The following PPM1E variants were observed in gnomAD, a reference collection of about 807,000 sequenced individuals.
PPM1E encodes protein phosphatase 1E.
In PPM1E, 20 loss-of-function variants were observed where a neutral mutation model predicts 65.9. That is an observed-to-expected ratio of 0.30 (90% confidence interval 0.21 to 0.44). The LOEUF (loss-of-function observed/expected upper bound fraction) is 0.44, where lower values mean the gene tolerates loss of function less well. PPM1E is among the 20% of genes least tolerant of loss of function. The pLI, the probability that PPM1E is intolerant of heterozygous loss-of-function variation, is 1.00. For synonymous variants in PPM1E, 352 were observed against 374.9 expected (o/e 0.94, Z 0.70); for missense variants, 713 against 953.1 (o/e 0.75, Z 3.32).
rs1215041478 is a variant in PPM1E, at chr17:58,787,805, G to A, written c.464+31344G>A. On this transcript the variant is annotated intron_variant, in intron 1 of 6. Transcript: ENST00000308249. Reference sequence around the variant, plus strand: ...GCCTGTAGTCCCAGCTACTCGGGAGGCTGAGGCAGGAGAATGGTGTGAACC... The same window carrying A: ...GCCTGTAGTCCCAGCTACTCGGGAGACTGAGGCAGGAGAATGGTGTGAACC... Among the ~76,000 whole-genome samples, 3 of 151,474 alleles carry A rather than the reference G, an allele frequency of 2.0e-5. No homozygotes were observed. In the East Asian group the frequency reaches 5.9e-4, roughly 30 times the overall value.
chr17:58,911,498 A>G (rs2051626930), intron 1 of PPM1E, among the ~76,000 whole-genome samples: 1 of 152,126 alleles, frequency 6.6e-6, no homozygotes, highest in African/African-American at 2.4e-5. Flanking sequence ...TCATGATTTC[A>G]TCATGATTTC....
At chr17:58,834,103 A>C (rs969111172) in intron 1 of PPM1E, among the ~76,000 whole-genome samples, 7 of 151,906 alleles carry the variant, frequency 4.6e-5, no homozygotes, top group Admixed American at 3.3e-4. Context: ...TCTTGTAGAG[A>C]TATTTCCCCT....
intron 1 of PPM1E, among the ~76,000 whole-genome samples, chr17:58,768,706 G>C (rs2049906925): frequency 6.6e-6 from 1 of 152,010 alleles, no homozygotes; most frequent in Admixed American, 6.6e-5. Flanking sequence ...TTTCACTCTT[G>C]TTGCCCAGGC....
At chr17:58,900,365 C>T (rs1262729978) in intron 1 of PPM1E, among the ~76,000 whole-genome samples, 1 of 152,226 alleles carries the variant, frequency 6.6e-6, no homozygotes, top group African/African-American at 2.4e-5. Context: ...CCTTCAGCAA[C>T]CACCACCTTG....
chr17:58,831,928 C>A (rs574031895), intron 1 of PPM1E, among the ~76,000 whole-genome samples: 1 of 152,272 alleles, frequency 6.6e-6, no homozygotes, highest in African/African-American at 2.4e-5. Context: ...GAAAGTCCAA[C>A]ATTATTGCCA....
In PPM1E at chr17:58,765,267, T is replaced by C. The variant is rs1240801461; in HGVS notation, c.464+8806T>C. On this transcript the variant is annotated intron_variant, in intron 1 of 6. Transcript: ENST00000308249. ...ATCTCGGCTCACTGCAACTTCCAAC[T>C]TCCTGGTTCAAGTGATTCTTTTGCC... Among the ~76,000 whole-genome samples the C allele has an allele frequency of 2.4e-4, 36 of 151,488 alleles. 1 individual carries two copies.
intron 1 of PPM1E, among the ~76,000 whole-genome samples, chr17:58,879,275 CT>C (rs755522265): frequency 1.3e-5 from 2 of 149,204 alleles, no homozygotes; most frequent in Admixed American, 6.7e-5. Flanking sequence ...TCTCCACATA[CT>C]ATATATAATA....
intron 1 of PPM1E, among the ~76,000 whole-genome samples, chr17:58,763,746 T>C (rs1703691825): frequency 6.6e-6 from 1 of 152,186 alleles, no homozygotes; most frequent in Non-Finnish European, 1.5e-5. Context: ...TGAACTGCCA[T>C]ACCGTGAAGC....
intron 2 of PPM1E, among the ~76,000 whole-genome samples, chr17:58,963,094 G>GA (rs539705654): frequency 1.1e-4 from 16 of 146,630 alleles, no homozygotes; most frequent in South Asian, 4.3e-4. Flanking sequence ...CTTATTTAAA[G>GA]AAAAAAAAAG....
intron 1 of PPM1E, among the ~76,000 whole-genome samples, chr17:58,770,704 G>A (rs2049928938): frequency 6.6e-6 from 1 of 151,968 alleles, no homozygotes; most frequent in Admixed American, 6.6e-5. Flanking sequence ...AAGTAATTAG[G>A]ATATTTTTAT....
chr17:58,819,641 C>T (rs1232698918), intron 1 of PPM1E, among the ~76,000 whole-genome samples: 1 of 151,832 alleles, frequency 6.6e-6, no homozygotes, highest in Non-Finnish European at 1.5e-5. Context: ...TCTGGGGAGG[C>T]CTCAGGAAAT....
intron 1 of PPM1E, among the ~76,000 whole-genome samples, chr17:58,892,024 C>T (rs1407945360): frequency 6.6e-6 from 1 of 151,756 alleles, no homozygotes; most frequent in South Asian, 2.1e-4. Context: ...TTAGTAGAGA[C>T]AGCATTTTGC....
chr17:58,925,481 C>T (rs546452063), intron 1 of PPM1E, among the ~76,000 whole-genome samples: 1 of 152,134 alleles, frequency 6.6e-6, no homozygotes, highest in East Asian at 1.9e-4. Context: ...CGCTCTGTCA[C>T]CCAGGCTGGA....
intron 1 of PPM1E, among the ~76,000 whole-genome samples, chr17:58,930,362 G>A (rs2051878865): frequency 6.6e-6 from 1 of 152,022 alleles, no homozygotes; most frequent in Middle Eastern, 3.4e-3. Context: ...TACTCTGGAG[G>A]CTGAGGCAGG....
At position 58,940,851 on chromosome 17, in the gene PPM1E, C is replaced by G. The variant is rs143093940; in HGVS notation, c.465-14798C>G. 6.9e-4 allele frequency among the ~76,000 whole-genome samples: 105 copies of G among 152,280 alleles called. 1 individual carries two copies. The highest frequency in any genetic ancestry group is 2.4e-3 in the African/African-American group (98 of 41,562). ...TCAGCCTCCCACGTAGCTGGGGTTACAGGTGTATGCCACCATGCGTGGCTA... is the reference window on the plus strand; with the variant it reads ...TCAGCCTCCCACGTAGCTGGGGTTAGAGGTGTATGCCACCATGCGTGGCTA... On this transcript the variant is annotated intron_variant, in intron 1 of 6. Transcript: ENST00000308249.
intron 1 of PPM1E, among the ~76,000 whole-genome samples, chr17:58,935,360 A>G (rs1323215590): frequency 6.6e-6 from 1 of 152,186 alleles, no homozygotes; most frequent in Non-Finnish European, 1.5e-5. Context: ...AGGAGGAACT[A>G]TCAAAGGAGA....
chr17:58,905,111 G>T (rs1386777690), intron 1 of PPM1E, among the ~76,000 whole-genome samples: 1 of 152,028 alleles, frequency 6.6e-6, no homozygotes, highest in Admixed American at 6.6e-5. Context: ...GGGGTTTTTT[G>T]ACTCTTTCAG....
intron 1 of PPM1E, among the ~76,000 whole-genome samples, chr17:58,805,983 AAC>A (rs1567838913): frequency 5.1e-4 from 51 of 99,704 alleles, no homozygotes; most frequent in Non-Finnish European, 7.0e-4. Flanking sequence ...ACAAAAAAAA[AAC>A]AAAACAAAAC....
At chr17:58,781,769 C>T (rs2050052464) in intron 1 of PPM1E, among the ~76,000 whole-genome samples, 2 of 151,682 alleles carry the variant, frequency 1.3e-5, no homozygotes, top group African/African-American at 4.8e-5. Flanking sequence ...ACCTGTAATC[C>T]CAGGTACTCG....
Sources: allele counts gnomAD v4.1 joint callset (sites outside exome capture counted in the v4.1 genomes callset), GRCh38; gene constraint gnomAD v4.1.1; transcripts MANE v1.5; gene names NCBI Gene and HGNC (gene_info 2026-07-23, HGNC 2026-07-21).